SYT1: variants seen among roughly 807,000 people sequenced by gnomAD.
SYT1 encodes the protein synaptotagmin-1.
SYT1 carries 8 observed loss-of-function variants against 44.8 expected under a neutral mutation model. That is an observed-to-expected ratio of 0.18 (90% CI 0.10 to 0.32). SYT1 has a LOEUF of 0.32. Among genes scored for constraint, SYT1 ranks in the 10% least tolerant of loss-of-function variants. The probability of loss-of-function intolerance (pLI) is 1.00; values close to 1 mark genes in which losing one functional copy is unlikely to be tolerated. For synonymous variants in SYT1, 154 were observed against 188.8 expected (o/e 0.82, Z 1.51); for missense variants, 286 against 509.3 (o/e 0.56, Z 4.22).
At chr12:79,108,904 T>C (rs1166514482) in intron 3 of SYT1, among the ~76,000 whole-genome samples, 5 of 152,224 alleles carry the variant, frequency 3.3e-5, no homozygotes, top group East Asian at 1.9e-4. Flanking sequence ...GGATAGTAGA[T>C]GGTATATATA....
intron 4 of SYT1, among the ~76,000 whole-genome samples, chr12:79,250,325 C>T (rs1430593210): frequency 6.6e-6 from 1 of 152,124 alleles, no homozygotes; most frequent in Non-Finnish European, 1.5e-5. Context: ...CTTGTTCTTA[C>T]TCACTCTTTA....
intron 2 of SYT1, among the ~76,000 whole-genome samples, chr12:79,010,864 T>G (rs1871365754): frequency 6.6e-6 from 1 of 152,218 alleles, no homozygotes; most frequent in African/African-American, 2.4e-5. Flanking sequence ...TACCCTTCAT[T>G]TTATATTTAC....
intron 9 of SYT1, among the ~76,000 whole-genome samples, chr12:79,436,133 T>C (rs1157738252): frequency 2.0e-5 from 3 of 152,160 alleles, no homozygotes; most frequent in African/African-American, 4.8e-5. Context: ...CAAAATCTCT[T>C]CCACACAGCT....
rs375383304 is a variant in SYT1 at position 79,177,035 on chromosome 12, C to T, written c.-17-40468C>T. On this transcript the variant is annotated intron_variant, in intron 3 of 10. Coordinates refer to ENST00000261205, the MANE Select transcript of SYT1 (RefSeq NM_005639.3). Reference sequence around the variant, plus strand: ...ATAACTCCATTGTAAAAGCATATTTCTTTTTTTTTTTATGTTTTTTTTTAT... The same window carrying T: ...ATAACTCCATTGTAAAAGCATATTTTTTTTTTTTTTTATGTTTTTTTTTAT... 8.6e-3 allele frequency among the ~76,000 whole-genome samples: 1,222 copies of T among 141,478 alleles called. 18 individuals are homozygous for T. The highest frequency in any genetic ancestry group is 0.029 in the African/African-American group (1,137 of 39,062). 92.8% of individuals were successfully genotyped at this position (141,478 alleles called of 152,430 possible).
chr12:79,180,516 G>A (rs1469403295), intron 3 of SYT1, among the ~76,000 whole-genome samples: 1 of 151,860 alleles, frequency 6.6e-6, no homozygotes, highest in African/African-American at 2.4e-5. Flanking sequence ...TTGGCTCGGG[G>A]TTCTGCAGGC....
At chr12:79,375,566 T>G (rs1195136483) in intron 9 of SYT1, among the ~76,000 whole-genome samples, 6 of 152,222 alleles carry the variant, frequency 3.9e-5, no homozygotes, top group African/African-American at 1.2e-4. Flanking sequence ...GGATCCCAGT[T>G]CTGCCACTCA....
At chr12:79,213,513 T>A (rs1238786553) in intron 3 of SYT1, among the ~76,000 whole-genome samples, 1 of 152,264 alleles carries the variant, frequency 6.6e-6, no homozygotes, top group Non-Finnish European at 1.5e-5. Context: ...TGAAATATTA[T>A]ATGCTTTAAT....
intron 3 of SYT1, among the ~76,000 whole-genome samples, chr12:79,083,274 T>G (rs1178835845): frequency 6.6e-6 from 1 of 152,196 alleles, no homozygotes; most frequent in Non-Finnish European, 1.5e-5. Context: ...TGTGAAAAGA[T>G]AAGACTTATA....
intron 1 of SYT1, among the ~76,000 whole-genome samples, chr12:78,903,528 G>A (rs565716881): frequency 6.6e-6 from 1 of 151,990 alleles, no homozygotes; most frequent in African/African-American, 2.4e-5. Flanking sequence ...TTCGTGATCT[G>A]CCCGCCTCGG....
chr12:79,063,544 A>G (rs1340429336), intron 3 of SYT1, among the ~76,000 whole-genome samples: 1 of 152,130 alleles, frequency 6.6e-6, no homozygotes, highest in South Asian at 2.1e-4. Flanking sequence ...AAACCAAAGC[A>G]TAATGTTCAT....
At chr12:78,963,786 A>T (rs1879635339) in intron 1 of SYT1, among the ~76,000 whole-genome samples, 1 of 152,170 alleles carries the variant, frequency 6.6e-6, no homozygotes, top group African/African-American at 2.4e-5. Flanking sequence ...AATTAAAAGT[A>T]GTGCTATTAT....
At chr12:79,179,061 G>T (rs1395087565) in intron 3 of SYT1, among the ~76,000 whole-genome samples, 2 of 94,674 alleles carry the variant, frequency 2.1e-5, no homozygotes, top group African/African-American at 4.0e-5. Context: ...TATAGATATA[G>T]ATATAGATAT....
chr12:79,185,226 A>G lies in SYT1; in HGVS notation c.-17-32277A>G, dbSNP rs570027436. ...TTATGAAGAGTCACCTATTTGAATG[A>G]CAAATAACTAAGTGCTGGAGATTTA... On this transcript the variant is annotated intron_variant, in intron 3 of 10. Transcript: ENST00000261205. Among the ~76,000 whole-genome samples the G allele has an allele frequency of 8.5e-5, 13 of 152,234 alleles. No individual in the cohort carries two copies. In the South Asian group the frequency reaches 2.5e-3, roughly 29 times the overall value.
intron 1 of SYT1, among the ~76,000 whole-genome samples, chr12:78,886,456 G>C (rs1273136981): frequency 6.6e-6 from 1 of 151,944 alleles, no homozygotes; most frequent in Non-Finnish European, 1.5e-5. Context: ...GGCTGATTTT[G>C]ACAGTTGTAA....
intron 4 of SYT1, among the ~76,000 whole-genome samples, chr12:79,255,213 T>C (rs1216200402): frequency 1.3e-5 from 2 of 152,154 alleles, no homozygotes; most frequent in Non-Finnish European, 2.9e-5. Context: ...CCCCAAACTT[T>C]AGCAACCACC....
At chr12:79,278,300 T>C (rs888440638) in intron 4 of SYT1, among the ~76,000 whole-genome samples, 3 of 152,102 alleles carry the variant, frequency 2.0e-5, no homozygotes, top group Non-Finnish European at 4.4e-5. Context: ...GAGATTTAAA[T>C]CCTACCAAGT....
chr12:78,871,296 G>T (rs544816142), intron 1 of SYT1, among the ~76,000 whole-genome samples: 3 of 152,092 alleles, frequency 2.0e-5, no homozygotes, highest in South Asian at 2.1e-4. Flanking sequence ...AGACACAATT[G>T]TATGTGAGAG....
At chr12:79,288,121 TG>T (rs1281952622) in intron 5 of SYT1, among the ~76,000 whole-genome samples, 2 of 152,094 alleles carry the variant, frequency 1.3e-5, no homozygotes, top group African/African-American at 4.8e-5. Flanking sequence ...TGCTACTTTT[TG>T]AAGCAGACAA....
intron 2 of SYT1, among the ~76,000 whole-genome samples, chr12:79,022,342 C>T (rs913070402): frequency 3.3e-5 from 5 of 151,892 alleles, no homozygotes; most frequent in African/African-American, 9.6e-5. Flanking sequence ...TGGTCTGCTA[C>T]GTCAGTGGCT....
Sources: allele counts gnomAD v4.1 joint callset (sites outside exome capture counted in the v4.1 genomes callset), GRCh38; gene constraint gnomAD v4.1.1; transcripts MANE v1.5; gene names NCBI Gene and HGNC (gene_info 2026-07-23, HGNC 2026-07-21).